The following ADGRL3 variants were observed in gnomAD, a reference collection of about 807,000 sequenced individuals.
ADGRL3 encodes adhesion G protein-coupled receptor L3.
A neutral mutation model predicts 153.5 loss-of-function variants in ADGRL3; 62 were observed. The observed-to-expected ratio is 0.40, with a 90% confidence interval of 0.33 to 0.50. The LOEUF (loss-of-function observed/expected upper bound fraction) is 0.50, where lower values mean the gene tolerates loss of function less well. Ranked by LOEUF, ADGRL3 falls within the 20% of genes least tolerant of loss-of-function variation. The probability of loss-of-function intolerance (pLI) is 0.47; values close to 1 mark genes in which losing one functional copy is unlikely to be tolerated. For synonymous variants in ADGRL3, 710 were observed against 672.5 expected (o/e 1.06, Z -0.86); for missense variants, 1,641 against 1,859.4 (o/e 0.88, Z 2.16).
At chr4:61,742,263 C>A (rs575411741) in intron 8 of ADGRL3, among the ~76,000 whole-genome samples, 85 of 151,988 alleles carry the variant, frequency 5.6e-4, no homozygotes, top group African/African-American at 2.0e-3. Context: ...TATTATTATT[C>A]TTACTCTTCT....
intron 8 of ADGRL3, among the ~76,000 whole-genome samples, chr4:61,736,535 G>A (rs1290945893): frequency 6.6e-6 from 1 of 152,118 alleles, no homozygotes; most frequent in Non-Finnish European, 1.5e-5. Flanking sequence ...GTGGGTGCCT[G>A]TAATCCTAGC....
intron 9 of ADGRL3, among the ~76,000 whole-genome samples, chr4:61,839,253 T>C (rs1392105759): frequency 1.3e-5 from 2 of 152,098 alleles, no homozygotes; most frequent in Non-Finnish European, 2.9e-5. Context: ...ACAGTGACAC[T>C]TGTCACAGCT....
intron 16 of ADGRL3, 30 bp downstream of exon 16, chr4:61,947,152 T>C (rs765205646): frequency 2.0e-5 from 30 of 1,528,582 alleles, no homozygotes; most frequent in Non-Finnish European, 2.7e-5. Flanking sequence ...GCTTGGTTGT[T>C]CATATTATCT....
chr4:61,680,526 A>G (rs2095314022), intron 6 of ADGRL3, among the ~76,000 whole-genome samples: 1 of 151,960 alleles, frequency 6.6e-6, no homozygotes, highest in South Asian at 2.1e-4. Context: ...ATAGGAAAAC[A>G]TAATAATGAA....
chr4:62,014,550 C>T (rs1373804362), intron 21 of ADGRL3, among the ~76,000 whole-genome samples: 1 of 152,172 alleles, frequency 6.6e-6, no homozygotes, highest in Non-Finnish European at 1.5e-5. Context: ...CAGTCACTTA[C>T]AATCTTGGGC....
At chr4:61,452,915 A>C (rs547471017) in intron 2 of ADGRL3, among the ~76,000 whole-genome samples, 56 of 152,254 alleles carry the variant, frequency 3.7e-4, no homozygotes, top group African/African-American at 1.3e-3. Context: ...TATTGTATAG[A>C]CTAGTTAGGA....
rs1309350783 is a variant in ADGRL3, at chr4:62,070,433, A to G, written c.4157A>G (p.His1386Arg). ...CTGGATGATGCCACCTCGTTTAACC[A>G]CGAGGAGAGTTTGGGCCTGGAACTC... ...IVLDDATSFNHEESLGLELIH... is the reference protein window; with the variant it reads ...IVLDDATSFNREESLGLELIH... Residue 1386 changes from histidine to arginine, a missense_variant, in exon 27 of 27, where the codon CAC becomes CGC. By Grantham distance (29) the His-to-Arg change is conservative. Around this residue, in one of 5 missense-constraint regions of ADGRL3, gnomAD observed 517 missense variants for 555.0 expected, o/e 0.93. Transcript: ENST00000683033. The G allele has an allele frequency of 1.3e-6, 2 of 1,551,736 alleles. No homozygotes were observed. The highest frequency in any genetic ancestry group is 1.7e-6 in the Non-Finnish European group (2 of 1,147,042).
chr4:61,321,275 G>T (rs2095350068), intron 1 of ADGRL3, among the ~76,000 whole-genome samples: 1 of 152,076 alleles, frequency 6.6e-6, no homozygotes, highest in African/African-American at 2.4e-5. Flanking sequence ...TCATTGTTGA[G>T]GTGAGATCTT....
At chr4:62,051,827 G>A (rs1173608511) in intron 25 of ADGRL3, among the ~76,000 whole-genome samples, 1 of 151,700 alleles carries the variant, frequency 6.6e-6, no homozygotes, top group East Asian at 1.9e-4. Context: ...CTAAATATAA[G>A]TGCTATAGAA....
At chr4:61,560,644 T>G (rs147536732) in intron 4 of ADGRL3, among the ~76,000 whole-genome samples, 1 of 108,254 alleles carries the variant, frequency 9.2e-6, no homozygotes, top group Non-Finnish European at 1.9e-5. Flanking sequence ...TTTGTGGGGT[T>G]TTTATTTATT....
intron 8 of ADGRL3, among the ~76,000 whole-genome samples, chr4:61,749,098 C>T (rs2096715602): frequency 6.6e-6 from 1 of 152,068 alleles, no homozygotes; most frequent in Non-Finnish European, 1.5e-5. Flanking sequence ...TGCCAAAAAA[C>T]ACATGAAAAA....
At chr4:61,970,374 G>T (rs961497828) in intron 17 of ADGRL3, among the ~76,000 whole-genome samples, 1 of 151,942 alleles carries the variant, frequency 6.6e-6, no homozygotes, top group Non-Finnish European at 1.5e-5. Context: ...TCTTTCTATT[G>T]ATTGATCATT....
chr4:61,449,000 AT>A, intron 2 of ADGRL3, among the ~76,000 whole-genome samples: 1 of 152,224 alleles, frequency 6.6e-6, no homozygotes, highest in East Asian at 1.9e-4. Context: ...TCCCTTTTAA[AT>A]ACACTGAAGA....
intron 12 of ADGRL3, among the ~76,000 whole-genome samples, chr4:61,910,969 TTA>T (rs1209882410): frequency 6.6e-6 from 1 of 151,888 alleles, no homozygotes; most frequent in African/African-American, 2.4e-5. Flanking sequence ...ATTATTATTA[TTA>T]TTTTTCATTC....
chr4:61,321,720 T>C (rs1319103795), intron 1 of ADGRL3, among the ~76,000 whole-genome samples: 1 of 152,014 alleles, frequency 6.6e-6, no homozygotes, highest in African/African-American at 2.4e-5. Flanking sequence ...TGTCTAAACG[T>C]AGAAAAGGTA....
chr4:61,403,682 G>T (rs542650947), intron 2 of ADGRL3, among the ~76,000 whole-genome samples: 1 of 152,174 alleles, frequency 6.6e-6, no homozygotes, highest in African/African-American at 2.4e-5. Context: ...CATAGCTAGG[G>T]AGTCAGACGT....
chr4:61,575,432 A>T (rs2098868600), intron 4 of ADGRL3, among the ~76,000 whole-genome samples: 1 of 151,960 alleles, frequency 6.6e-6, no homozygotes, highest in Non-Finnish European at 1.5e-5. Flanking sequence ...TGACCTATGG[A>T]TGAAACTGTG....
intron 1 of ADGRL3, among the ~76,000 whole-genome samples, chr4:61,280,109 T>C (rs2093658414): frequency 2.3e-5 from 1 of 43,638 alleles, no homozygotes; most frequent in Admixed American, 3.0e-4. Context: ...TTTCTTTTCT[T>C]TTTCTTTTTT....
intron 6 of ADGRL3, among the ~76,000 whole-genome samples, chr4:61,696,971 C>T (rs1244480431): frequency 2.0e-5 from 3 of 152,032 alleles, no homozygotes; most frequent in Non-Finnish European, 4.4e-5. Context: ...GCCACTGTGC[C>T]CAGCCATATT....
Sources: gnomAD v4.1 joint callset for allele counts (sites outside exome capture counted in the v4.1 genomes callset) on GRCh38, gnomAD v4.1.1 for gene constraint, gnomAD v4.1.1 regional missense constraint, MANE v1.5 for transcripts, NCBI Gene and HGNC (gene_info 2026-07-23, HGNC 2026-07-21) for gene names.